The following BABAM2 variants were observed in gnomAD, a reference collection of about 807,000 sequenced individuals.
BABAM2 encodes the protein BRISC and BRCA1-A complex member 2.
Under a neutral mutation model 54.7 loss-of-function variants are expected in BABAM2, and 31 were observed. The ratio of observed to expected loss-of-function variants is 0.57; its 90% confidence interval spans 0.43 to 0.77. The LOEUF (loss-of-function observed/expected upper bound fraction) is 0.77. BABAM2 is among the 30% of genes least tolerant of loss of function. The pLI is 0.00. For synonymous variants in BABAM2, 167 were observed against 162.9 expected (o/e 1.03, Z -0.19); for missense variants, 364 against 455.8 (o/e 0.80, Z 1.83).
chr2:28,174,399 G>A (rs1674689624), intron 7 of BABAM2, among the ~76,000 whole-genome samples: 1 of 152,196 alleles, frequency 6.6e-6, no homozygotes, highest in Admixed American at 6.5e-5. Flanking sequence ...AGACGCATCC[G>A]GCACTTGCCT....
At chr2:28,174,759 A>T (rs1167334869) in intron 7 of BABAM2, among the ~76,000 whole-genome samples, 2 of 152,172 alleles carry the variant, frequency 1.3e-5, no homozygotes, top group Non-Finnish European at 2.9e-5. Flanking sequence ...GCATCCCCTG[A>T]GTCCTAAGCA....
At position 28,244,823 on chromosome 2, in the gene BABAM2, C is replaced by G. The variant is rs1177980818; in HGVS notation, c.895C>G (p.Leu299Val). ...YDAEGFTKLT[L>V]LLMWKDFCFL... is the part of the protein sequence containing the mutation. ...TGCAGAAGGCTTTACAAAACTCACT[C>G]TGCTGCTGATGTGGAAAGATTTTTG... is the stretch of plus-strand genomic sequence containing the variant. The change falls in exon 10 of 12, where the codon CTG becomes GTG. Residue 299 changes from leucine to valine, a missense_variant. Physicochemically the swap from Leu to Val is conservative, Grantham distance 32. Coordinates refer to ENST00000379624, the MANE Select transcript of BABAM2 (RefSeq NM_199191.3). 6.2e-7 allele frequency: 1 copy of G among 1,614,006 alleles called. No individual in the cohort carries two copies. Among genetic ancestry groups the G allele is most frequent in the Non-Finnish European group, 8.5e-7 (1 of 1,180,002 alleles).
intron 3 of BABAM2, among the ~76,000 whole-genome samples, chr2:27,937,312 G>C (rs1191696924): frequency 1.3e-5 from 2 of 152,196 alleles, no homozygotes; most frequent in African/African-American, 2.4e-5. Flanking sequence ...TTTGTTTTTA[G>C]AGACAGGATT....
At chr2:28,327,323 G>T in intron 11 of BABAM2, 1 of 1,613,756 alleles carries the variant, frequency 6.2e-7, no homozygotes, top group Non-Finnish European at 8.5e-7. Context: ...GCAAGTCCTG[G>T]CCTTTGCAGT....
chr2:27,907,447 T>C (rs1433941476), intron 2 of BABAM2, among the ~76,000 whole-genome samples: 1 of 152,168 alleles, frequency 6.6e-6, no homozygotes, highest in African/African-American at 2.4e-5. Context: ...AAAAACATTA[T>C]TTTAAAATTT....
At chr2:27,953,664 CT>C (rs34779086) in intron 3 of BABAM2, among the ~76,000 whole-genome samples, 1 of 151,194 alleles carries the variant, frequency 6.6e-6, no homozygotes, top group Admixed American at 6.6e-5. Flanking sequence ...AAAAATATTT[CT>C]TTTTTTCTGC....
chr2:28,003,190 G>T (rs532299395), intron 4 of BABAM2, among the ~76,000 whole-genome samples: 57 of 152,238 alleles, frequency 3.7e-4, no homozygotes, highest in Admixed American at 5.9e-4. Flanking sequence ...TTAAAGCTTT[G>T]TTTTGCAAGT....
chr2:28,058,519 G>A (rs967155311), intron 6 of BABAM2, among the ~76,000 whole-genome samples: 1 of 151,516 alleles, frequency 6.6e-6, no homozygotes, highest in Non-Finnish European at 1.5e-5. Flanking sequence ...TTCAGGTGAT[G>A]CATGTTTTAG....
rs1037220446 is a variant in BABAM2 at position 28,273,123 on chromosome 2, A to G, written c.935-25215A>G. Among the ~76,000 whole-genome samples the G allele has an allele frequency of 2.0e-5, 3 of 152,338 alleles. No homozygotes were observed. In the East Asian group the frequency reaches 5.8e-4, roughly 29 times the overall value. ...GTTCTTACCCAATTCCACGGACCGA[A>G]CATTTTCTGCTCCATCCAGCTTTTA... On this transcript the variant is annotated intron_variant, in intron 10 of 11. Transcript: ENST00000379624.
At chr2:28,043,409 A>T (rs368114683) in intron 5 of BABAM2, among the ~76,000 whole-genome samples, 2 of 152,258 alleles carry the variant, frequency 1.3e-5, no homozygotes, top group East Asian at 3.9e-4. Flanking sequence ...TATTACAGGC[A>T]TGAGCCAATG....
intron 10 of BABAM2, among the ~76,000 whole-genome samples, chr2:28,281,183 C>G (rs1295551343): frequency 1.3e-5 from 2 of 152,174 alleles, no homozygotes; most frequent in Non-Finnish European, 2.9e-5. Context: ...TGGGCTGCCC[C>G]CACCGGCATT....
intron 10 of BABAM2, among the ~76,000 whole-genome samples, chr2:28,250,584 C>CTTTTTTTTTTTTTTT (rs34597279): frequency 5.0e-4 from 69 of 136,758 alleles, no homozygotes; most frequent in Non-Finnish European, 6.5e-4. Flanking sequence ...ATATTTTTTT[C>CTTTTTTTTTTTTTTT]TTTTTTTTTT....
At chr2:28,115,541 G>A (rs1668538068) in intron 6 of BABAM2, among the ~76,000 whole-genome samples, 1 of 152,022 alleles carries the variant, frequency 6.6e-6, no homozygotes, top group Non-Finnish European at 1.5e-5. Flanking sequence ...CAGGAGAATG[G>A]CATGAACCTG....
At chr2:28,331,450 C>T (rs1200102779) in intron 11 of BABAM2, among the ~76,000 whole-genome samples, 1 of 151,974 alleles carries the variant, frequency 6.6e-6, no homozygotes, top group East Asian at 1.9e-4. Context: ...CCAAAATCTA[C>T]AAGGAACTTA....
chr2:28,253,474 T>C (rs1683686252), intron 10 of BABAM2, among the ~76,000 whole-genome samples: 1 of 152,122 alleles, frequency 6.6e-6, no homozygotes, highest in South Asian at 2.1e-4. Context: ...TATGTTATGT[T>C]ATTTAATCTG....
intron 10 of BABAM2, among the ~76,000 whole-genome samples, chr2:28,251,281 C>G (rs1683457644): frequency 6.6e-6 from 1 of 151,940 alleles, no homozygotes. Context: ...AAATCAACAA[C>G]TTCAGACTAA....
intron 3 of BABAM2, among the ~76,000 whole-genome samples, chr2:27,953,551 CA>C (rs1395929376): frequency 1.3e-5 from 2 of 151,634 alleles, no homozygotes; most frequent in Non-Finnish European, 2.9e-5. Flanking sequence ...CTCGGCTTCC[CA>C]AAGTGCTGGG....
intron 7 of BABAM2, among the ~76,000 whole-genome samples, chr2:28,159,102 G>A (rs1425012896): frequency 1.3e-5 from 2 of 152,114 alleles, no homozygotes; most frequent in Non-Finnish European, 2.9e-5. Flanking sequence ...TCAATTTCAG[G>A]AGTTTCTGTT....
chr2:28,134,403 T>G (rs7581912), intron 7 of BABAM2: 37,427 of 152,154 alleles, frequency 0.25, 4,807 homozygotes, highest in South Asian at 0.47. Context: ...TGGCAGTTGT[T>G]GTAGTGAACC....
Sources: gnomAD v4.1 joint callset for allele counts (sites outside exome capture counted in the v4.1 genomes callset) on GRCh38, gnomAD v4.1.1 for gene constraint, MANE v1.5 for transcripts, NCBI Gene and HGNC (gene_info 2026-07-23, HGNC 2026-07-21) for gene names.